The following TULP3 variants were observed in gnomAD, a reference collection of about 807,000 sequenced individuals.
TULP3 encodes tubby-related protein 3.
A neutral mutation model predicts 50.7 loss-of-function variants in TULP3; 38 were observed. The ratio of observed to expected loss-of-function variants is 0.75; its 90% confidence interval spans 0.58 to 0.98. The LOEUF (loss-of-function observed/expected upper bound fraction) is 0.98, where lower values mean the gene tolerates loss of function less well. Among genes scored for constraint, TULP3 ranks in the 50% least tolerant of loss-of-function variants. The pLI is 0.00. For missense variants in TULP3, 550 were observed against 568.0 expected (o/e 0.97, Z 0.32); for synonymous variants, 183 against 196.6 (o/e 0.93, Z 0.58).
chr12:2,901,312 CTT>C (rs371069831), intron 1 of TULP3, among the ~76,000 whole-genome samples: 15 of 104,112 alleles, frequency 1.4e-4, no homozygotes, highest in African/African-American at 3.9e-4. Flanking sequence ...TTCTTTCTTT[CTT>C]TTTTTTTTTT....
At chr12:2,901,669 T>C (rs1437630755) in intron 1 of TULP3, among the ~76,000 whole-genome samples, 1 of 152,074 alleles carries the variant, frequency 6.6e-6, no homozygotes, top group Non-Finnish European at 1.5e-5. Context: ...AGGTGTGAGC[T>C]ACCGTGCCTG....
At chr12:2,913,011 C>T (rs1277549720) in intron 2 of TULP3, among the ~76,000 whole-genome samples, 1 of 150,266 alleles carries the variant, frequency 6.7e-6, no homozygotes, top group African/African-American at 2.5e-5. Context: ...CTCCCTCTGT[C>T]GCCAGGCTGG....
At chr12:2,925,861 C>G (rs1029272166) in intron 4 of TULP3, among the ~76,000 whole-genome samples, 1 of 152,206 alleles carries the variant, frequency 6.6e-6, no homozygotes, top group Non-Finnish European at 1.5e-5. Flanking sequence ...ACCACACTGT[C>G]TCCTTGTGCA....
In TULP3 at chr12:2,899,333, G is replaced by A. The variant is rs1431110351; in HGVS notation, c.41+8345G>A. 6.7e-5 allele frequency among the ~76,000 whole-genome samples: 7 copies of A among 103,708 alleles called. No individual in the cohort carries two copies. In the South Asian group the frequency reaches 9.6e-4, roughly 14 times the overall value. The allele number at this position is 103,708 out of a possible 152,430, so 68.0% of individuals were successfully genotyped here. A position where few individuals can be genotyped will look rare whatever the true frequency, so the allele number is the denominator to read the frequency against. On this transcript the variant is annotated intron_variant, in intron 1 of 10. Coordinates refer to ENST00000448120, the MANE Select transcript of TULP3 (RefSeq NM_003324.5). ...GCAATCCAGCCTGGGCAACAAGAGCGAAACGACGTCTCAAAAAAAAAAAAA... is the reference window on the plus strand; with the variant it reads ...GCAATCCAGCCTGGGCAACAAGAGCAAAACGACGTCTCAAAAAAAAAAAAA...
At chr12:2,895,862 A>G (rs1430610946) in intron 1 of TULP3, among the ~76,000 whole-genome samples, 1 of 152,036 alleles carries the variant, frequency 6.6e-6, no homozygotes, top group Non-Finnish European at 1.5e-5. Context: ...ACAGCCTGTT[A>G]CTGTACTGAA....
chr12:2,908,084 A>G (rs894030027), intron 1 of TULP3, among the ~76,000 whole-genome samples: 2 of 152,224 alleles, frequency 1.3e-5, no homozygotes, highest in Non-Finnish European at 2.9e-5. Context: ...TTGAGACAGC[A>G]TGCAAATTGA....
Position 2,920,972 on chromosome 12 carries a change from C to T in TULP3, c.253+50C>T, listed in dbSNP as rs373735109. ...CCTAGTGGGGTACAATTTTCACAAA[C>T]CTAGAAGGCACGAGGATTGTCAGAC... On this transcript the variant is annotated intron_variant, in intron 3 of 10. Coordinates refer to ENST00000448120, the MANE Select transcript of TULP3 (RefSeq NM_003324.5). 5.0e-6 allele frequency: 8 copies of T among 1,604,220 alleles called. No individual in the cohort carries two copies. In the South Asian group the frequency reaches 6.6e-5, roughly 13 times the overall value.
At chr12:2,905,710 A>G (rs1416396980) in intron 1 of TULP3, among the ~76,000 whole-genome samples, 2 of 114,000 alleles carry the variant, frequency 1.8e-5, no homozygotes, top group African/African-American at 3.9e-5. Flanking sequence ...GCTTGATGAA[A>G]GGAATAAGTG....
At chr12:2,929,054 C>CTT (rs34681559) in intron 4 of TULP3, among the ~76,000 whole-genome samples, 2 of 148,572 alleles carry the variant, frequency 1.3e-5, no homozygotes, top group Non-Finnish European at 3.0e-5. Flanking sequence ...AAAAAGTACA[C>CTT]TTTTTTTTTT....
At chr12:2,893,502 G>A (rs1310443351) in intron 1 of TULP3, among the ~76,000 whole-genome samples, 3 of 151,776 alleles carry the variant, frequency 2.0e-5, no homozygotes, top group African/African-American at 7.3e-5. Context: ...TATATTTTTA[G>A]TAGAGAGGGG....
At chr12:2,931,273 G>C in intron 6 of TULP3, 33 bp downstream of exon 6, 1 of 1,602,798 alleles carries the variant, frequency 6.2e-7, no homozygotes, top group Non-Finnish European at 8.5e-7. Flanking sequence ...AAACTCTTGA[G>C]AGAGAGAAGA....
At chr12:2,917,197 C>G (rs1005598848) in intron 2 of TULP3, among the ~76,000 whole-genome samples, 1 of 152,152 alleles carries the variant, frequency 6.6e-6, no homozygotes, top group Non-Finnish European at 1.5e-5. Flanking sequence ...GAATACGATA[C>G]CTAAGAAGTT....
intron 1 of TULP3, among the ~76,000 whole-genome samples, chr12:2,898,991 T>G (rs1206862216): frequency 6.6e-6 from 1 of 152,182 alleles, no homozygotes; most frequent in Non-Finnish European, 1.5e-5. Flanking sequence ...AATTTGAATT[T>G]AATATAATTT....
intron 2 of TULP3, among the ~76,000 whole-genome samples, chr12:2,915,517 G>A (rs983270633): frequency 6.8e-6 from 1 of 148,100 alleles, no homozygotes; most frequent in East Asian, 2.0e-4. Flanking sequence ...CTTTGTGGGC[G>A]GGGAGATTAA....
At chr12:2,896,776 C>T (rs1225761819) in intron 1 of TULP3, among the ~76,000 whole-genome samples, 1 of 152,026 alleles carries the variant, frequency 6.6e-6, no homozygotes, top group Non-Finnish European at 1.5e-5. Flanking sequence ...CCTCCTTTCT[C>T]CCGAAATTCA....
At chr12:2,892,826 G>A (rs938271566) in intron 1 of TULP3, among the ~76,000 whole-genome samples, 1 of 150,622 alleles carries the variant, frequency 6.6e-6, no homozygotes, top group Non-Finnish European at 1.5e-5. Context: ...TTGTTCTTCC[G>A]AAAGAAACTA....
chr12:2,927,192 C>T (rs1446234832), intron 4 of TULP3, among the ~76,000 whole-genome samples: 4 of 152,094 alleles, frequency 2.6e-5, no homozygotes, highest in African/African-American at 9.7e-5. Context: ...CATGTTATAA[C>T]AAGTGTCCGT....
intron 4 of TULP3, among the ~76,000 whole-genome samples, chr12:2,928,329 G>A (rs1249179072): frequency 2.0e-5 from 3 of 152,070 alleles, no homozygotes; most frequent in African/African-American, 4.8e-5. Flanking sequence ...TTGGGAGTTC[G>A]AGGCCAGCCT....
At chr12:2,911,467 C>G (rs1046193507) in intron 2 of TULP3, among the ~76,000 whole-genome samples, 1 of 151,786 alleles carries the variant, frequency 6.6e-6, no homozygotes, top group Non-Finnish European at 1.5e-5. Context: ...ATTCTCCTGC[C>G]TCAGCCTCCC....
Sources: allele counts gnomAD v4.1 joint callset (sites outside exome capture counted in the v4.1 genomes callset), GRCh38; gene constraint gnomAD v4.1.1; transcripts MANE v1.5; gene names NCBI Gene and HGNC (gene_info 2026-07-23, HGNC 2026-07-21).